The following FBXL18 variants were observed in gnomAD, a reference collection of about 807,000 sequenced individuals.
The protein encoded by FBXL18 is F-box and leucine rich repeat protein 18.
FBXL18 carries 36 observed loss-of-function variants against 46.0 expected under a neutral mutation model. The ratio of observed to expected loss-of-function variants is 0.78; its 90% CI spans 0.60 to 1.03. The LOEUF is 1.03. Ranked by LOEUF, FBXL18 falls within the 50% of genes least tolerant of loss-of-function variation. FBXL18 has a pLI of 0.00. For synonymous variants in FBXL18, 557 were observed against 465.3 expected (o/e 1.20, Z -2.54); for missense variants, 977 against 1,004.1 (o/e 0.97, Z 0.36).
At chr7:5,455,000 G>C (rs1453763035) in intron 4 of FBXL18, among the ~76,000 whole-genome samples, 2 of 152,202 alleles carry the variant, frequency 1.3e-5, no homozygotes, top group East Asian at 3.9e-4. Flanking sequence ...CCAGAGCCTG[G>C]AGGGTGGTGC....
At chr7:5,466,512 C>A (rs553815583) in intron 4 of FBXL18, among the ~76,000 whole-genome samples, 1 of 152,318 alleles carries the variant, frequency 6.6e-6, no homozygotes, top group Non-Finnish European at 1.5e-5. Context: ...CCGTGTTTCT[C>A]CCTCACCAGC....
At chr7:5,456,480 G>C (rs1460711927) in intron 4 of FBXL18, among the ~76,000 whole-genome samples, 1 of 152,210 alleles carries the variant, frequency 6.6e-6, no homozygotes, top group Non-Finnish European at 1.5e-5. Context: ...GAGGCCCAAG[G>C]GGCCCTGAGA....
At position 5,455,786 on chromosome 7, in the gene FBXL18, A is replaced by C; in HGVS notation, c.2001-7943T>G. Among the ~76,000 whole-genome samples, 1 of 136,294 alleles carries C rather than the reference A, an allele frequency of 7.3e-6. No individual in the cohort carries two copies. 89.4% of individuals were successfully genotyped at this position (136,294 alleles called of 152,430 possible). On this transcript the variant is annotated intron_variant and NMD_transcript_variant, in intron 4 of 6. Transcript: ENST00000415009. This position sits in a 1 kb window ranked among gnomAD's most constrained non-coding sequence, Gnocchi z 4.6. Reference sequence around the variant, plus strand: ...CAAACACACACACACACACACACACACCACTTCCATGGCGCCAGGAGAGAG... The same window carrying C: ...CAAACACACACACACACACACACACCCCACTTCCATGGCGCCAGGAGAGAG...
intron 4 of FBXL18, among the ~76,000 whole-genome samples, chr7:5,460,122 T>C (rs560269760): frequency 6.6e-6 from 1 of 152,014 alleles, no homozygotes; most frequent in South Asian, 2.1e-4. Context: ...AGTGTTGTGG[T>C]GCATGCCTGT....
At chr7:5,458,481 C>G (rs939660108) in intron 4 of FBXL18, among the ~76,000 whole-genome samples, 6 of 151,858 alleles carry the variant, frequency 4.0e-5, no homozygotes, top group African/African-American at 1.5e-4. Flanking sequence ...GGGCGGATCA[C>G]GAGATCACGA....
intron 4 of FBXL18, among the ~76,000 whole-genome samples, chr7:5,460,030 C>A (rs901745054): frequency 6.6e-6 from 1 of 152,054 alleles, no homozygotes; most frequent in Non-Finnish European, 1.5e-5. Context: ...GAGGCTGAGG[C>A]GGAAGGCTTG....
intron 4 of FBXL18, among the ~76,000 whole-genome samples, chr7:5,465,222 A>G (rs1051975165): frequency 6.6e-6 from 1 of 151,950 alleles, no homozygotes; most frequent in African/African-American, 2.4e-5. Flanking sequence ...ATTTTTTTTG[A>G]GACGGTCGTG....
intron 4 of FBXL18, among the ~76,000 whole-genome samples, chr7:5,470,558 G>T (rs180819585): frequency 6.6e-6 from 1 of 152,146 alleles, no homozygotes; most frequent in Admixed American, 6.5e-5. Context: ...CACCATTCCC[G>T]GCTCCTGAGT....
intron 4 of FBXL18, among the ~76,000 whole-genome samples, chr7:5,458,208 G>A (rs576425469): frequency 2.0e-5 from 3 of 152,078 alleles, no homozygotes; most frequent in Non-Finnish European, 2.9e-5. Flanking sequence ...AGCAGCGAAC[G>A]GGCAGGGAGA....
In FBXL18 at chr7:5,460,267, A is replaced by G. The variant is rs1423881522; in HGVS notation, c.2001-12424T>C. Among the ~76,000 whole-genome samples the G allele has an allele frequency of 2.6e-5, 4 of 152,162 alleles. No homozygotes were observed. The East Asian group carries it at 7.7e-4, about 29-fold the overall frequency. On this transcript the variant is annotated intron_variant and NMD_transcript_variant, in intron 4 of 6. Coordinates refer to the FBXL18 transcript ENST00000415009. ...TCGGTCTCCAAAAAAACAAACAAAC[A>G]AAAAGACAGTGCCTGACACATAGTG...
At chr7:5,486,388 C>T (rs1267800333) in intron 4 of FBXL18, among the ~76,000 whole-genome samples, 1 of 151,978 alleles carries the variant, frequency 6.6e-6, no homozygotes, top group Non-Finnish European at 1.5e-5. Context: ...CACTGCACTC[C>T]AGCCTGGGAA....
At position 5,500,960 on chromosome 7, in the gene FBXL18, C is replaced by A; in HGVS notation, c.1309G>T (p.Ala437Ser). ...DSAPRADRAPAQPAMHAVPRG... is the reference protein window; with the variant it reads ...DSAPRADRAPSQPAMHAVPRG... ...GGCACTGCGTGCATGGCCGGCTGGG[C>A]GGGCGCGCGGTCGGCGCGCGGCGCG... The change falls in exon 3 of 5, where the codon GCC becomes TCC. Residue 437 changes from alanine to serine, a missense_variant. Ala to Ser is a moderately conservative substitution (Grantham distance 99). Transcript: ENST00000382368. 1 of 1,533,340 alleles carries A rather than the reference C, an allele frequency of 6.5e-7. No homozygotes were observed. The highest frequency in any genetic ancestry group is 8.7e-7 in the Non-Finnish European group (1 of 1,145,696). 95.0% of individuals were successfully genotyped at this position (1,533,340 alleles called of 1,614,324 possible). A position where few individuals can be genotyped will look rare whatever the true frequency, so the allele number is the denominator to read the frequency against.
chr7:5,474,718 ATTTATTTG>A (rs1783481827), downstream of FBXL18, among the ~76,000 whole-genome samples: 1 of 138,442 alleles, frequency 7.2e-6, no homozygotes, highest in Non-Finnish European at 1.6e-5. Flanking sequence ...TTATTTATTT[ATTTATTTG>A]AGACAGAGTC....
chr7:5,460,824 T>C lies in FBXL18; in HGVS notation c.2001-12981A>G, dbSNP rs149256681. On this transcript the variant is annotated intron_variant and NMD_transcript_variant, in intron 4 of 6. Coordinates refer to the FBXL18 transcript ENST00000415009. ...CCATCCCAAGCCCGGCCTCGCTATC[T>C]GCACATTGCCGCCCCTCTGCAGCCC... Among the ~76,000 whole-genome samples the C allele has an allele frequency of 9.3e-3, 1,413 of 152,312 alleles. 45 individuals carry two copies. Among genetic ancestry groups the C allele is most frequent in the Admixed American group, 0.048 (730 of 15,274 alleles).
Position 5,491,383 on chromosome 7 carries a change from C to T in FBXL18, c.1848G>A (p.Leu616=), listed in dbSNP as rs1194944348. Residue 616 remains leucine (L), a synonymous_variant, in exon 4 of 5, where the codon CTG becomes CTA. Coordinates refer to ENST00000382368, the MANE Select transcript of FBXL18 (RefSeq NM_024963.6). Reference sequence around the variant, plus strand: ...TGCGAGAGACCAGGCACAGGCGCTGCAGCGAGGGGCACTGGCTCAGCGCCT... The same window carrying T: ...TGCGAGAGACCAGGCACAGGCGCTGTAGCGAGGGGCACTGGCTCAGCGCCT... ...FFQALSQCPS[L]QRLCLVSRSG... 1.2e-6 allele frequency: 2 copies of T among 1,607,590 alleles called. No homozygotes were observed. The highest frequency in any genetic ancestry group is 1.1e-5 in the South Asian group (1 of 90,142).
chr7:5,458,682 G>A (rs1584177579), intron 4 of FBXL18, among the ~76,000 whole-genome samples: 1 of 151,706 alleles, frequency 6.6e-6, no homozygotes, highest in African/African-American at 2.4e-5. Context: ...GGGCAACACA[G>A]CGAGACTCCG....
intron 4 of FBXL18, among the ~76,000 whole-genome samples, chr7:5,470,482 G>C (rs1783409639): frequency 6.6e-6 from 1 of 152,188 alleles, no homozygotes; most frequent in African/African-American, 2.4e-5. Flanking sequence ...CGAGAGCCAG[G>C]AACTCTGGGA....
intron 4 of FBXL18, among the ~76,000 whole-genome samples, chr7:5,486,806 A>G (rs1286630918): frequency 6.6e-6 from 1 of 152,194 alleles, no homozygotes; most frequent in East Asian, 1.9e-4. Context: ...CAGCCACGAC[A>G]CCGGCCGGCC....
chr7:5,493,536 C>T (rs1426061529), intron 3 of FBXL18, among the ~76,000 whole-genome samples: 1 of 152,070 alleles, frequency 6.6e-6, no homozygotes, highest in African/African-American at 2.4e-5. Flanking sequence ...ACCACTTGCT[C>T]CACCCGCCTC....
Sources: allele counts gnomAD v4.1 joint callset (sites outside exome capture counted in the v4.1 genomes callset), GRCh38; gene constraint gnomAD v4.1.1; non-coding constraint Gnocchi (gnomAD v3.1); transcripts MANE v1.5; gene names NCBI Gene and HGNC (gene_info 2026-07-23, HGNC 2026-07-21).